Variants in MAGED1 observed in about 807,000 individuals in gnomAD.
MAGED1 encodes the protein melanoma-associated antigen D1.
Under a neutral mutation model 54.1 loss-of-function variants are expected in MAGED1, and 3 were observed. The observed-to-expected ratio is 0.06, with a 90% CI of 0.03 to 0.14. MAGED1 has a LOEUF of 0.14. MAGED1 is among the 10% of genes least tolerant of loss of function. The pLI is 1.00. For synonymous variants in MAGED1, 217 were observed against 227.3 expected, an observed-to-expected ratio of 0.95 and a Z score of 0.41; for missense variants, 485 against 623.4, an observed-to-expected ratio of 0.78 and a Z score of 2.36.
chrX:51,808,623 C>T (rs1395885065), intron 1 of MAGED1, among the ~76,000 whole-genome samples: 2 of 111,516 alleles, frequency 1.8e-5, no homozygotes, highest in South Asian at 3.8e-4. Flanking sequence ...GGGGGAGGAT[C>T]GCTTGAGCTG....
At chrX:51,861,069 C>T (rs782627308) in intron 1 of MAGED1, among the ~76,000 whole-genome samples, 1 of 111,350 alleles carries the variant, frequency 9.0e-6, no homozygotes, top group East Asian at 2.8e-4. Context: ...ACCCCACCCC[C>T]ATGTTGCAAA....
chrX:51,826,852 A>G (rs1456656041), intron 1 of MAGED1, among the ~76,000 whole-genome samples: 1 of 112,496 alleles, frequency 8.9e-6, no homozygotes, highest in African/African-American at 3.2e-5. Flanking sequence ...TAGTCTTACC[A>G]TATGATCCAG....
In MAGED1 at chrX:51,897,430, G is replaced by T. The variant is rs1374760841; in HGVS notation, c.1487-117G>T. The T allele has an allele frequency of 1.0e-5, 8 of 764,781 alleles. No individual in the cohort carries two copies. The Admixed American group carries it at 1.8e-4, about 17-fold the overall frequency. 63.0% of individuals were successfully genotyped at this position (764,781 alleles called of 1,213,427 possible). ...TCCCCTTCTATCCCCTCCTTTCCAT[G>T]GTTGGCTCTTTCCACCCTTGAGGAC... On this transcript the variant is annotated intron_variant, in intron 5 of 12. Coordinates refer to ENST00000326587, the MANE Select transcript of MAGED1 (RefSeq NM_006986.4).
At chrX:51,875,811 C>T (rs782355604) in intron 1 of MAGED1, among the ~76,000 whole-genome samples, 3 of 111,426 alleles carry the variant, frequency 2.7e-5, no homozygotes, top group Non-Finnish European at 5.7e-5. Context: ...AGGATAACTC[C>T]TCATGACTCT....
chrX:51,893,571 G>C (rs921460381), upstream of MAGED1: 3 of 113,908 alleles, frequency 2.6e-5, no homozygotes, highest in South Asian at 3.5e-4. Flanking sequence ...GCGCATGCGC[G>C]TAACGTCCTG....
intron 2 of MAGED1, chrX:51,894,847 A>C (rs1292785460): frequency 9.1e-4 from 988 of 1,085,433 alleles, no homozygotes; most frequent in Non-Finnish European, 1.1e-3. Context: ...CCCTTGCCCT[A>C]CTTCACCCCT....
intron 1 of MAGED1, among the ~76,000 whole-genome samples, chrX:51,831,102 C>T (rs1294659626): frequency 8.9e-6 from 1 of 111,842 alleles, no homozygotes. Context: ...CATGATCCAC[C>T]TTCCTCGGCC....
intron 1 of MAGED1, among the ~76,000 whole-genome samples, chrX:51,882,609 CAAAA>C (rs35286327): frequency 2.3e-5 from 1 of 44,375 alleles, no homozygotes; most frequent in South Asian, 1.4e-3. Flanking sequence ...AGGGCACAGA[CAAAA>C]AAAAAAAAAA....
chrX:51,809,670 T>A (rs1307997296), intron 1 of MAGED1, among the ~76,000 whole-genome samples: 1 of 111,282 alleles, frequency 9.0e-6, no homozygotes, highest in Non-Finnish European at 1.9e-5. Flanking sequence ...CATGTCTAAT[T>A]TTATCTTTTT....
chrX:51,805,183 G>A (rs1486844419), intron 1 of MAGED1, among the ~76,000 whole-genome samples: 2 of 111,670 alleles, frequency 1.8e-5, no homozygotes, highest in African/African-American at 3.3e-5. Context: ...TATCTCTCTC[G>A]CTGCTCTTAC....
chrX:51,886,351 A>G (rs1159834651), intron 1 of MAGED1, among the ~76,000 whole-genome samples: 1 of 111,489 alleles, frequency 9.0e-6, no homozygotes, highest in African/African-American at 3.3e-5. Context: ...TGATGAGATC[A>G]TTATACAAGA....
chrX:51,867,333 A>G (rs1340177967), intron 1 of MAGED1, among the ~76,000 whole-genome samples: 1 of 112,019 alleles, frequency 8.9e-6, no homozygotes, highest in Non-Finnish European at 1.9e-5. Flanking sequence ...ACATAAAAAT[A>G]AAGGGGAGCT....
chrX:51,838,125 G>A (rs781858894), intron 1 of MAGED1, among the ~76,000 whole-genome samples: 27 of 112,285 alleles, frequency 2.4e-4, no homozygotes, highest in Middle Eastern at 4.6e-3. Context: ...TTGGCTGCAG[G>A]CCAGGGATTG....
chrX:51,824,861 C>A (rs1925792054), intron 1 of MAGED1, among the ~76,000 whole-genome samples: 1 of 55,912 alleles, frequency 1.8e-5, no homozygotes, highest in African/African-American at 8.9e-5. Context: ...GTCTCAGAAA[C>A]CTGTGTGTGT....
rs928268845 is a variant in MAGED1 at position 51,901,148 on chromosome X, G to A, written c.1960-405G>A. Among the ~76,000 whole-genome samples the A allele has an allele frequency of 6.5e-4, 72 of 111,367 alleles. 1 individual carries two copies. Among genetic ancestry groups the A allele is most frequent in the Admixed American group, 2.7e-3 (28 of 10,501 alleles). On this transcript the variant is annotated intron_variant, in intron 11 of 12. Transcript: ENST00000326587. Reference sequence around the variant, plus strand: ...CGACACATTATTATTAACTATAGTCGTCATGCTATACGGTTGATCTCCAGA... The same window carrying A: ...CGACACATTATTATTAACTATAGTCATCATGCTATACGGTTGATCTCCAGA...
intron 1 of MAGED1, among the ~76,000 whole-genome samples, chrX:51,846,322 G>C (rs1479352438): frequency 1.8e-5 from 2 of 111,586 alleles, no homozygotes; most frequent in Admixed American, 9.6e-5. Context: ...GAAGATACAA[G>C]GTTGGAAGCA....
chrX:51,840,675 A>G (rs1171118522), intron 1 of MAGED1, among the ~76,000 whole-genome samples: 1 of 108,354 alleles, frequency 9.2e-6, no homozygotes, highest in Non-Finnish European at 1.9e-5. Context: ...ATGAGTGAGA[A>G]CATGTGGTGT....
chrX:51,846,913 G>A (rs1557359316), intron 1 of MAGED1, among the ~76,000 whole-genome samples: 1 of 111,423 alleles, frequency 9.0e-6, no homozygotes, highest in Non-Finnish European at 1.9e-5. Context: ...GATTTGGGTG[G>A]GAACAGAGAT....
intron 1 of MAGED1, among the ~76,000 whole-genome samples, chrX:51,844,528 T>G (rs1926614877): frequency 8.9e-6 from 1 of 111,954 alleles, no homozygotes; most frequent in Non-Finnish European, 1.9e-5. Flanking sequence ...AGATTCACAG[T>G]CAGGAAAGCT....
Sources: allele counts gnomAD v4.1 joint callset (sites outside exome capture counted in the v4.1 genomes callset), GRCh38; gene constraint gnomAD v4.1.1; transcripts MANE v1.5; gene names NCBI Gene and HGNC (gene_info 2026-07-23, HGNC 2026-07-21).